FTO: variants seen among roughly 807,000 people sequenced by gnomAD.
The protein encoded by FTO is FTO alpha-ketoglutarate dependent dioxygenase.
In FTO, 47 loss-of-function variants were observed where a neutral mutation model predicts 63.9. The ratio of observed to expected loss-of-function variants is 0.74; its 90% confidence interval spans 0.58 to 0.94. The LOEUF (loss-of-function observed/expected upper bound fraction) is 0.94. Ranked by LOEUF, FTO falls within the 40% of genes least tolerant of loss-of-function variation. FTO has a pLI of 0.00. For missense variants in FTO, 562 were observed against 618.1 expected (o/e 0.91, Z 0.96); for synonymous variants, 207 against 224.4 (o/e 0.92, Z 0.69).
At chr16:53,910,104 G>A (rs2151941054) in intron 7 of FTO, among the ~76,000 whole-genome samples, 1 of 152,244 alleles carries the variant, frequency 6.6e-6, no homozygotes, top group East Asian at 1.9e-4. Flanking sequence ...CCCAGGTTGG[G>A]ACGGAGCCCA....
chr16:53,733,418 T>G (rs1209996670), intron 1 of FTO, among the ~76,000 whole-genome samples: 1 of 151,278 alleles, frequency 6.6e-6, no homozygotes, highest in Non-Finnish European at 1.5e-5. Flanking sequence ...AAAGAAAAAA[T>G]AAAAAAGAAG....
chr16:53,708,088 G>A (rs931290237), intron 1 of FTO, among the ~76,000 whole-genome samples: 31 of 151,974 alleles, frequency 2.0e-4, no homozygotes, highest in African/African-American at 6.8e-4. Context: ...GCCGAGCATG[G>A]TGGCTCATGC....
intron 8 of FTO, among the ~76,000 whole-genome samples, chr16:54,021,765 G>A (rs1268597343): frequency 6.6e-6 from 1 of 152,114 alleles, no homozygotes. Context: ...CAAGATTACA[G>A]GTGTGAGCCA....
Position 53,790,669 on chromosome 16 carries a change from G to C in FTO, c.46-19471G>C, listed in dbSNP as rs530104115. 2.0e-5 allele frequency among the ~76,000 whole-genome samples: 3 copies of C among 151,170 alleles called. No individual in the cohort carries two copies. The East Asian group carries it at 5.8e-4, about 29-fold the overall frequency. ...TTGATTTTGGTCTTATTGAATCTTA[G>C]GTGCTGGCAGGTGAGGACTTTCATG... On this transcript the variant is annotated intron_variant, in intron 1 of 8. Coordinates refer to ENST00000471389, the MANE Select transcript of FTO (RefSeq NM_001080432.3).
intron 8 of FTO, among the ~76,000 whole-genome samples, chr16:54,025,020 GC>G (rs1269503567): frequency 3.9e-5 from 6 of 152,182 alleles, no homozygotes; most frequent in African/African-American, 1.4e-4. Flanking sequence ...TAAGGTAGAG[GC>G]TTTTAGAAAT....
At chr16:53,847,693 G>A (rs1204709729) in intron 4 of FTO, among the ~76,000 whole-genome samples, 1 of 151,766 alleles carries the variant, frequency 6.6e-6, no homozygotes, top group African/African-American at 2.4e-5. Context: ...ACTTGAACCC[G>A]GGAGGCAGAG....
At chr16:53,789,611 T>A (rs2077841242) in intron 1 of FTO, among the ~76,000 whole-genome samples, 1 of 152,216 alleles carries the variant, frequency 6.6e-6, no homozygotes, top group East Asian at 1.9e-4. Flanking sequence ...AGAAATAATG[T>A]CAATTGCATA....
At chr16:53,835,886 T>C (rs2079274693) in intron 3 of FTO, among the ~76,000 whole-genome samples, 1 of 138,232 alleles carries the variant, frequency 7.2e-6, no homozygotes, top group Admixed American at 8.4e-5. Flanking sequence ...CCAACCTGTC[T>C]ATTGATTTTT....
At chr16:54,068,882 A>G (rs780855118) in intron 8 of FTO, among the ~76,000 whole-genome samples, 9 of 151,980 alleles carry the variant, frequency 5.9e-5, no homozygotes, top group African/African-American at 9.7e-5. Context: ...TTGATTTCAG[A>G]TTGTGTTCAT....
intron 8 of FTO, among the ~76,000 whole-genome samples, chr16:54,088,210 A>G (rs1172307739): frequency 2.6e-5 from 4 of 152,226 alleles, no homozygotes; most frequent in South Asian, 2.1e-4. Flanking sequence ...TTTGTTTTAC[A>G]TAAGTGGTTA....
At chr16:53,782,276 C>T (rs1215849526) in intron 1 of FTO, among the ~76,000 whole-genome samples, 2 of 152,246 alleles carry the variant, frequency 1.3e-5, no homozygotes, top group African/African-American at 2.4e-5. Context: ...ACTTTAAACT[C>T]GGTATTTGAT....
intron 8 of FTO, among the ~76,000 whole-genome samples, chr16:54,004,734 C>A (rs1027239283): frequency 1.3e-5 from 2 of 152,098 alleles, no homozygotes; most frequent in Non-Finnish European, 2.9e-5. Context: ...CAGGCACCAA[C>A]TCTAATAGGA....
chr16:53,711,193 G>A (rs1486208650), intron 1 of FTO, among the ~76,000 whole-genome samples: 2 of 151,974 alleles, frequency 1.3e-5, no homozygotes, highest in African/African-American at 4.8e-5. Context: ...TCTGATCCCA[G>A]GACGTTTATT....
At chr16:53,718,887 C>G (rs912090401) in intron 1 of FTO, among the ~76,000 whole-genome samples, 12 of 152,086 alleles carry the variant, frequency 7.9e-5, no homozygotes, top group Non-Finnish European at 1.3e-4. Context: ...GGGTCAGTAT[C>G]AGGGATTCTT....
At chr16:53,920,651 CTT>C (rs1715606200) in intron 7 of FTO, among the ~76,000 whole-genome samples, 1 of 152,174 alleles carries the variant, frequency 6.6e-6, no homozygotes, top group Non-Finnish European at 1.5e-5. Context: ...TCCCTTGTGA[CTT>C]TGCAGTGGCA....
chr16:53,964,579 TC>T (rs1223253569), intron 8 of FTO, among the ~76,000 whole-genome samples: 1 of 152,220 alleles, frequency 6.6e-6, no homozygotes. Context: ...ACTAAAAGTG[TC>T]CATGTTCTTT....
chr16:53,753,121 C>T (rs948852649), intron 1 of FTO, among the ~76,000 whole-genome samples: 4 of 151,560 alleles, frequency 2.6e-5, no homozygotes, highest in African/African-American at 4.8e-5. Flanking sequence ...TGCATGATGG[C>T]GTGCACATGT....
At chr16:53,847,438 G>T (rs1567355630) in intron 4 of FTO, among the ~76,000 whole-genome samples, 1 of 152,142 alleles carries the variant, frequency 6.6e-6, no homozygotes, top group African/African-American at 2.4e-5. Flanking sequence ...TTTCTTTTCT[G>T]TTCTTCTTAA....
intron 1 of FTO, among the ~76,000 whole-genome samples, chr16:53,787,019 G>GAGAATTGCTT (rs2077759255): frequency 6.8e-6 from 1 of 145,998 alleles, no homozygotes; most frequent in African/African-American, 2.6e-5. Flanking sequence ...GCTGAGGCAG[G>GAGAATTGCTT]AGAATTGCTT....
Sources: allele counts gnomAD v4.1 joint callset (sites outside exome capture counted in the v4.1 genomes callset), GRCh38; gene constraint gnomAD v4.1.1; transcripts MANE v1.5; gene names NCBI Gene and HGNC (gene_info 2026-07-23, HGNC 2026-07-21).